The following NEGR1 variants were observed in gnomAD, a reference collection of about 807,000 sequenced individuals.
NEGR1 encodes the protein neuronal growth regulator 1.
NEGR1 carries 10 observed loss-of-function variants against 40.9 expected under a neutral mutation model. The ratio of observed to expected loss-of-function variants is 0.24; its 90% CI spans 0.15 to 0.42. NEGR1 has a LOEUF of 0.42. Among genes scored for constraint, NEGR1 ranks in the 10% least tolerant of loss-of-function variants. The pLI is 1.00. For missense variants in NEGR1, 352 were observed against 438.9 expected (o/e 0.80, Z 1.77); for synonymous variants, 185 against 166.8 (o/e 1.11, Z -0.84).
rs74935965 is a variant in NEGR1, at chr1:71,699,676, T to C, written c.536-1537A>G. Among the ~76,000 whole-genome samples, 1,028 of 152,056 alleles carry C rather than the reference T, an allele frequency of 6.8e-3. 11 individuals carry two copies. Among genetic ancestry groups the C allele is most frequent in the African/African-American group, 0.023 (965 of 41,522 alleles). ...ATTAATATACTACATCAGGTACTGA[T>C]GTGAAGACATGAGATTTGGAGGGGT... On this transcript the variant is annotated intron_variant, in intron 3 of 6. Transcript: ENST00000357731.
At chr1:71,587,474 A>T (rs1649344240) in intron 6 of NEGR1, among the ~76,000 whole-genome samples, 1 of 152,104 alleles carries the variant, frequency 6.6e-6, no homozygotes, top group African/African-American at 2.4e-5. Context: ...GAGACATTCC[A>T]GAAAGTTAAA....
At chr1:72,126,123 G>GTC (rs1351749439) in intron 1 of NEGR1, among the ~76,000 whole-genome samples, 1 of 150,842 alleles carries the variant, frequency 6.6e-6, no homozygotes, top group Non-Finnish European at 1.5e-5. Context: ...GTGTGTGTGT[G>GTC]TGTGTGTGTG....
intron 6 of NEGR1, among the ~76,000 whole-genome samples, chr1:71,509,957 G>T (rs1239095224): frequency 1.3e-5 from 2 of 152,176 alleles, no homozygotes; most frequent in Non-Finnish European, 2.9e-5. Flanking sequence ...GTGTTATGTT[G>T]GGTGGGAAAT....
intron 4 of NEGR1, among the ~76,000 whole-genome samples, chr1:71,696,538 A>G (rs1268629885): frequency 6.6e-6 from 1 of 151,766 alleles, no homozygotes; most frequent in Admixed American, 6.6e-5. Context: ...TAGTAGATAT[A>G]TGTCTCTCTT....
At chr1:71,784,033 C>T (rs770910977) in intron 2 of NEGR1, among the ~76,000 whole-genome samples, 7 of 152,154 alleles carry the variant, frequency 4.6e-5, no homozygotes, top group Non-Finnish European at 7.4e-5. Flanking sequence ...TTGTAACTAA[C>T]TCTTCCTTAT....
At chr1:72,260,735 C>T (rs573225488) in intron 1 of NEGR1, among the ~76,000 whole-genome samples, 2 of 152,030 alleles carry the variant, frequency 1.3e-5, no homozygotes, top group African/African-American at 4.8e-5. Flanking sequence ...TAAATGAATC[C>T]CAGTTGAAAT....
chr1:71,691,466 C>A (rs115801036), intron 4 of NEGR1, among the ~76,000 whole-genome samples: 6,230 of 151,116 alleles, frequency 0.041, 226 homozygotes, highest in Admixed American at 0.077. Context: ...TTCTTAGCTC[C>A]TCATATCTCT....
chr1:71,911,385 T>C (rs763476905), intron 2 of NEGR1, among the ~76,000 whole-genome samples: 36 of 152,210 alleles, frequency 2.4e-4, no homozygotes, highest in Non-Finnish European at 5.1e-4. Flanking sequence ...ATTATTACTA[T>C]CTTTTTGATC....
intron 1 of NEGR1, among the ~76,000 whole-genome samples, chr1:71,950,440 C>T (rs923972676): frequency 3.9e-5 from 6 of 151,952 alleles, no homozygotes; most frequent in African/African-American, 1.2e-4. Flanking sequence ...AAGTGTACTG[C>T]TCCCTAAAAT....
At chr1:72,099,335 G>C (rs943400121) in intron 1 of NEGR1, among the ~76,000 whole-genome samples, 7 of 151,660 alleles carry the variant, frequency 4.6e-5, no homozygotes, top group African/African-American at 1.7e-4. Flanking sequence ...GTATATTTTA[G>C]TGTATTTTAT....
At chr1:71,821,364 C>T (rs899709480) in intron 2 of NEGR1, among the ~76,000 whole-genome samples, 4 of 151,910 alleles carry the variant, frequency 2.6e-5, no homozygotes, top group Non-Finnish European at 4.4e-5. Flanking sequence ...TCAGGCTGTC[C>T]AAAACTATTT....
chr1:71,927,851 A>AAAAAG lies in NEGR1; in HGVS notation c.409+7227_409+7228insCTTTT, dbSNP rs1557437874. Among the ~76,000 whole-genome samples, 9 of 125,382 alleles carry AAAAAG rather than the reference A, an allele frequency of 7.2e-5. 1 individual carries two copies. Among genetic ancestry groups the AAAAAG allele is most frequent in the African/African-American group, 2.9e-4 (9 of 31,110 alleles). 82.3% of individuals were successfully genotyped at this position (125,382 alleles called of 152,430 possible). On this transcript the variant is annotated intron_variant, in intron 2 of 6. Transcript: ENST00000357731. ...AAAAAAAAAAAAAAAAAAAAAAAAA[A>AAAAAG]GCCAGGCAGAGTGGTGTGCACCTGT...
At chr1:71,733,930 T>C (rs1368566680) in intron 3 of NEGR1, among the ~76,000 whole-genome samples, 3 of 152,186 alleles carry the variant, frequency 2.0e-5, no homozygotes, top group Non-Finnish European at 2.9e-5. Context: ...CTTCTCAACA[T>C]TGGAAACTAT....
At chr1:71,699,565 ACACTT>A (rs1379322704) in intron 3 of NEGR1, among the ~76,000 whole-genome samples, 1 of 151,906 alleles carries the variant, frequency 6.6e-6, no homozygotes, top group Admixed American at 6.6e-5. Flanking sequence ...AAAAAACAAA[ACACTT>A]CACTTCCAAG....
rs1415497474 is a variant in NEGR1 at position 71,803,006 on chromosome 1, T to C, written c.410-26709A>G. On this transcript the variant is annotated intron_variant, in intron 2 of 6. Coordinates refer to ENST00000357731, the MANE Select transcript of NEGR1 (RefSeq NM_173808.3). The stretch of plus-strand genomic sequence containing the variant: ...GGTGAATGTATTGTAAGTGAGGACA[T>C]GAATTTGGGGAAATGGGGCAGAGGT... Among the ~76,000 whole-genome samples the C allele has an allele frequency of 3.3e-5, 5 of 152,154 alleles. No individual in the cohort carries two copies. The East Asian group carries it at 9.7e-4, about 29-fold the overall frequency.
At chr1:72,060,513 C>G (rs1021987867) in intron 1 of NEGR1, among the ~76,000 whole-genome samples, 1 of 151,534 alleles carries the variant, frequency 6.6e-6, no homozygotes. Context: ...TTCTGCTTGT[C>G]TAGAAATTTT....
chr1:71,898,337 C>T lies in NEGR1; in HGVS notation c.409+36742G>A, dbSNP rs180944860. On this transcript the variant is annotated intron_variant, in intron 2 of 6. Transcript: ENST00000357731. ...AGACATTAAAAACTGCTTTGCTGGC[C>T]GGGCGCGGTGGTTCACGCCTGTAAT... is the stretch of plus-strand genomic sequence containing the variant. Among the ~76,000 whole-genome samples the T allele has an allele frequency of 5.3e-4, 80 of 152,178 alleles. No homozygotes were observed. The East Asian group carries it at 0.013, about 25-fold the overall frequency.
intron 6 of NEGR1, among the ~76,000 whole-genome samples, chr1:71,554,850 G>A (rs1351362672): frequency 6.6e-6 from 1 of 151,454 alleles, no homozygotes; most frequent in Non-Finnish European, 1.5e-5. Flanking sequence ...AGATTAGAAT[G>A]AGAACACTTA....
At chr1:71,771,306 G>C (rs945629086) in intron 3 of NEGR1, among the ~76,000 whole-genome samples, 21 of 152,202 alleles carry the variant, frequency 1.4e-4, no homozygotes, top group Non-Finnish European at 2.6e-4. Flanking sequence ...CAGGGGGTTC[G>C]GGGCTAGGGT....
Sources: allele counts gnomAD v4.1 joint callset (sites outside exome capture counted in the v4.1 genomes callset), GRCh38; gene constraint gnomAD v4.1.1; transcripts MANE v1.5; gene names NCBI Gene and HGNC (gene_info 2026-07-23, HGNC 2026-07-21).